FOXP2: variants seen among roughly 807,000 people sequenced by gnomAD.
The protein encoded by FOXP2 is forkhead box P2.
Under a neutral mutation model 115.8 loss-of-function variants are expected in FOXP2, and 12 were observed. The observed-to-expected ratio is 0.10, with a 90% confidence interval of 0.07 to 0.17. The LOEUF is 0.17. FOXP2 is among the 10% of genes least tolerant of loss of function. The pLI is 1.00. For missense variants in FOXP2, 629 were observed against 843.5 expected (o/e 0.75, Z 3.15); for synonymous variants, 328 against 297.7 (o/e 1.10, Z -1.05).
intron 2 of FOXP2, among the ~76,000 whole-genome samples, chr7:114,529,765 T>A (rs1338958010): frequency 6.6e-6 from 1 of 151,850 alleles, no homozygotes; most frequent in Non-Finnish European, 1.5e-5. Flanking sequence ...GTTATGCCAA[T>A]TAGATGATTA....
chr7:114,612,627 C>T (rs2129318896), intron 3 of FOXP2, among the ~76,000 whole-genome samples: 1 of 152,182 alleles, frequency 6.6e-6, no homozygotes, highest in South Asian at 2.1e-4. Context: ...AAATTAGTGG[C>T]ACTAAGTGAC....
intron 1 of FOXP2, among the ~76,000 whole-genome samples, chr7:114,225,361 G>A (rs183541101): frequency 6.6e-6 from 1 of 151,144 alleles, no homozygotes; most frequent in Non-Finnish European, 1.5e-5. Context: ...TTAACTATTG[G>A]TTCATCTTAC....
At position 114,088,797 on chromosome 7, in the gene FOXP2, GTGTT is replaced by G. The variant is rs530413589; in HGVS notation, c.-247+965_-247+968del. On this transcript the variant is annotated intron_variant, in intron 1 of 19. Coordinates refer to the FOXP2 transcript ENST00000635638. ...CAGTGTACTGGAATTTTTAAATGTAGTGTTTGTTTAATGTTGTTAAACACAATTA... is the reference window on the plus strand; with the variant it reads ...CAGTGTACTGGAATTTTTAAATGTAGTGTTTAATGTTGTTAAACACAATTA... 1.7e-3 allele frequency among the ~76,000 whole-genome samples: 266 copies of G among 152,270 alleles called. 1 individual carries two copies. The highest frequency in any genetic ancestry group is 3.0e-3 in the Non-Finnish European group (206 of 68,016).
chr7:114,331,287 A>G (rs1231340090), intron 2 of FOXP2, among the ~76,000 whole-genome samples: 19 of 152,226 alleles, frequency 1.2e-4, no homozygotes, highest in African/African-American at 4.6e-4. Context: ...TGTTATAAAG[A>G]ATTTTAAAAT....
Position 114,693,217 on chromosome 7 carries a change from A to G in FOXP2, c.*3291A>G, listed in dbSNP as rs927521530. 8.9e-6 allele frequency: 4 copies of G among 451,384 alleles called. No homozygotes were observed. The highest frequency in any genetic ancestry group is 1.8e-5 in the Non-Finnish European group (4 of 225,214). The allele number at this position is 451,384 out of a possible 1,614,324, so 28.0% of individuals were successfully genotyped here. On this transcript the variant is annotated 3_prime_UTR_variant, in exon 17 of 17. Coordinates refer to ENST00000350908, the MANE Select transcript of FOXP2 (RefSeq NM_014491.4). ...TTACCACTAACTGGGTTTTCTTTAG[A>G]TAACTCAGATATGGAGAAAATGTCA...
intron 2 of FOXP2, among the ~76,000 whole-genome samples, chr7:114,338,925 G>C (rs1444420244): frequency 6.6e-6 from 1 of 150,956 alleles, no homozygotes. Flanking sequence ...CCATGCTCTG[G>C]AGATTAAAAC....
At chr7:114,369,646 A>G (rs770007580) in intron 2 of FOXP2, among the ~76,000 whole-genome samples, 13 of 152,210 alleles carry the variant, frequency 8.5e-5, no homozygotes, top group Non-Finnish European at 1.5e-4. Context: ...CAATTCTGAT[A>G]GCTACATTAT....
chr7:114,535,609 A>T (rs1799350585), intron 3 of FOXP2, among the ~76,000 whole-genome samples: 1 of 151,684 alleles, frequency 6.6e-6, no homozygotes, highest in Non-Finnish European at 1.5e-5. Context: ...TTAGTAACTA[A>T]GTCTTACATG....
chr7:114,127,511 A>C (rs535446512), intron 1 of FOXP2, among the ~76,000 whole-genome samples: 1 of 152,322 alleles, frequency 6.6e-6, no homozygotes, highest in South Asian at 2.1e-4. Context: ...GGTGTAACTC[A>C]TCAATGTTAA....
chr7:114,596,194 C>G (rs1802694955), intron 3 of FOXP2, among the ~76,000 whole-genome samples: 1 of 151,950 alleles, frequency 6.6e-6, no homozygotes, highest in South Asian at 2.1e-4. Context: ...TCATGGTTCC[C>G]TTGATGTTAT....
chr7:114,503,811 T>C (rs1350689406), intron 2 of FOXP2, among the ~76,000 whole-genome samples: 1 of 151,306 alleles, frequency 6.6e-6, no homozygotes, highest in Admixed American at 6.6e-5. Flanking sequence ...TTGTCCCCAC[T>C]GGTTCCTTAA....
chr7:114,247,276 T>G (rs991277197), intron 1 of FOXP2, among the ~76,000 whole-genome samples: 8 of 152,214 alleles, frequency 5.3e-5, no homozygotes, highest in Non-Finnish European at 1.2e-4. Flanking sequence ...CAGAACTTTT[T>G]TAAAGCTCTT....
At chr7:114,675,213 G>C (rs575552364) in intron 16 of FOXP2, among the ~76,000 whole-genome samples, 2 of 151,776 alleles carry the variant, frequency 1.3e-5, no homozygotes, top group South Asian at 4.2e-4. Flanking sequence ...ATATATACTA[G>C]AAAGAAATGA....
intron 1 of FOXP2, among the ~76,000 whole-genome samples, chr7:114,137,649 A>C (rs1190450332): frequency 6.6e-6 from 1 of 152,192 alleles, no homozygotes; most frequent in Non-Finnish European, 1.5e-5. Context: ...TTTCATTAAA[A>C]AAAATGATTT....
chr7:114,130,007 C>T (rs1336651556), intron 1 of FOXP2, among the ~76,000 whole-genome samples: 3 of 152,022 alleles, frequency 2.0e-5, no homozygotes, highest in Non-Finnish European at 2.9e-5. Flanking sequence ...AAAACAGGCA[C>T]ATTGTTTAAA....
At chr7:114,176,336 T>TCTCTC (rs1793309272) in intron 1 of FOXP2, among the ~76,000 whole-genome samples, 1 of 135,912 alleles carries the variant, frequency 7.4e-6, no homozygotes, top group Non-Finnish European at 1.5e-5. Flanking sequence ...TTTTCTTTCT[T>TCTCTC]TCTCTCTCTC....
chr7:114,353,545 A>T (rs971331428), intron 2 of FOXP2, among the ~76,000 whole-genome samples: 7 of 152,148 alleles, frequency 4.6e-5, no homozygotes, highest in Admixed American at 4.6e-4. Flanking sequence ...TATCATTGTG[A>T]AATGAAACAA....
intron 2 of FOXP2, among the ~76,000 whole-genome samples, chr7:114,326,202 C>T (rs1797553294): frequency 6.6e-6 from 1 of 152,016 alleles, no homozygotes; most frequent in Non-Finnish European, 1.5e-5. Flanking sequence ...TTTCTTTCAA[C>T]TAGAATTTTG....
At chr7:114,157,549 A>G (rs1039605715) in intron 1 of FOXP2, among the ~76,000 whole-genome samples, 11 of 152,138 alleles carry the variant, frequency 7.2e-5, no homozygotes, top group African/African-American at 2.4e-4. Flanking sequence ...GGCAAATTCA[A>G]TCCTAAGAAT....
Sources: gnomAD v4.1 joint callset for allele counts (sites outside exome capture counted in the v4.1 genomes callset) on GRCh38, gnomAD v4.1.1 for gene constraint, MANE v1.5 for transcripts, NCBI Gene and HGNC (gene_info 2026-07-23, HGNC 2026-07-21) for gene names.